Variants in PLD1 observed in about 807,000 individuals in gnomAD.
PLD1 encodes phospholipase D1, also known as choline phosphatase 1.
In PLD1, 112 loss-of-function variants were observed where a neutral mutation model predicts 137.1. That is an observed-to-expected ratio of 0.82 (90% confidence interval 0.70 to 0.96). The LOEUF (loss-of-function observed/expected upper bound fraction) is 0.96, where lower values mean the gene tolerates loss of function less well. PLD1 is among the 40% of genes least tolerant of loss of function. The probability of loss-of-function intolerance (pLI) is 0.00; values close to 1 mark genes in which losing one functional copy is unlikely to be tolerated. For synonymous variants in PLD1, 431 were observed against 454.7 expected (o/e 0.95, Z 0.66); for missense variants, 1,321 against 1,342.0 (o/e 0.98, Z 0.24).
At chr3:171,809,084 CA>C (rs1208664790) in intron 1 of PLD1, 1 of 152,206 alleles carries the variant, frequency 6.6e-6, no homozygotes, top group Non-Finnish European at 1.5e-5. Context: ...CTCAGCCTCC[CA>C]AAGTGCTGGG....
chr3:171,652,668 C>A (rs1013309329), intron 21 of PLD1, among the ~76,000 whole-genome samples: 1 of 150,966 alleles, frequency 6.6e-6, no homozygotes, highest in Non-Finnish European at 1.5e-5. Flanking sequence ...GTGGTGCAAT[C>A]ATGGCGCACT....
intron 18 of PLD1, among the ~76,000 whole-genome samples, 163 bp from the exon 19 acceptor site, chr3:171,674,776 G>A (rs1413133053): frequency 1.3e-5 from 2 of 151,910 alleles, no homozygotes; most frequent in East Asian, 1.9e-4. Context: ...TCAGGAGTTC[G>A]AGATCAGCCT....
At chr3:171,728,790 G>A (rs539708530) in intron 6 of PLD1, among the ~76,000 whole-genome samples, 83 of 152,174 alleles carry the variant, frequency 5.5e-4, no homozygotes, top group African/African-American at 1.8e-3. Flanking sequence ...ATTGCTAAGC[G>A]TAAAGAATCT....
At chr3:171,714,585 A>T (rs2108218061) in intron 8 of PLD1, among the ~76,000 whole-genome samples, 1 of 152,350 alleles carries the variant, frequency 6.6e-6, no homozygotes, top group South Asian at 2.1e-4. Flanking sequence ...GAACATCTGA[A>T]TATAAACTAA....
At chr3:171,698,974 C>CT (rs1290338713) in intron 12 of PLD1, among the ~76,000 whole-genome samples, 2 of 115,866 alleles carry the variant, frequency 1.7e-5, no homozygotes, top group African/African-American at 3.2e-5. Context: ...AAAACCCCAT[C>CT]TCAAAAAAAA....
At chr3:171,647,978 C>T (rs537651751) in intron 21 of PLD1, among the ~76,000 whole-genome samples, 1 of 152,210 alleles carries the variant, frequency 6.6e-6, no homozygotes, top group South Asian at 2.1e-4. Context: ...CAATACTTGT[C>T]CTTTATGTCT....
At position 171,788,696 on chromosome 3, in the gene PLD1, G is replaced by A. The variant is rs146711843; in HGVS notation, c.-32+21703C>T. 51 of 152,216 alleles carry A rather than the reference G, an allele frequency of 3.4e-4. No homozygotes were observed. In the East Asian group the frequency reaches 9.6e-3, roughly 29 times the overall value. The allele number at this position is 152,216 out of a possible 1,614,324, so 9.4% of individuals were successfully genotyped here. On this transcript the variant is annotated intron_variant, in intron 1 of 26. Coordinates refer to ENST00000351298, the MANE Select transcript of PLD1 (RefSeq NM_002662.5). Reference sequence around the variant, plus strand: ...TGATGACGAAACTCAGTTTATTCCTGGACAAAAGAGCTTTGACACATCTGC... The same window carrying A: ...TGATGACGAAACTCAGTTTATTCCTAGACAAAAGAGCTTTGACACATCTGC...
At chr3:171,699,495 A>G (rs899094987) in intron 12 of PLD1, among the ~76,000 whole-genome samples, 29 of 152,224 alleles carry the variant, frequency 1.9e-4, no homozygotes, top group Admixed American at 6.5e-5. Context: ...TTAGCTGCCC[A>G]TAACTGATTC....
chr3:171,654,129 C>T (rs926363470), intron 21 of PLD1: 2 of 359,958 alleles, frequency 5.6e-6, no homozygotes, highest in Non-Finnish European at 1.1e-5. Context: ...GGTGAAACCC[C>T]GTCTCCACCA....
chr3:171,634,250 G>GA (rs1262931987), intron 23 of PLD1, among the ~76,000 whole-genome samples: 5 of 152,042 alleles, frequency 3.3e-5, no homozygotes, highest in South Asian at 2.1e-4. Flanking sequence ...TTGCACCCTT[G>GA]AATAGGCAAA....
intron 18 of PLD1, 47 bp downstream of exon 18, chr3:171,676,668 C>G (rs765328185): frequency 7.0e-7 from 1 of 1,427,376 alleles, no homozygotes. Context: ...TCTAGTTAGG[C>G]CTGCCTCTCT....
intron 18 of PLD1, 124 bp downstream of exon 18, chr3:171,676,591 G>A: frequency 1.3e-6 from 1 of 755,280 alleles, no homozygotes. Context: ...GCAGCCAACA[G>A]CAGAGCAGTG....
At chr3:171,606,883 A>C (rs1303923181) in intron 25 of PLD1, among the ~76,000 whole-genome samples, 1 of 152,066 alleles carries the variant, frequency 6.6e-6, no homozygotes. Flanking sequence ...CATAAGAAGA[A>C]ATTTTAGAAT....
intron 25 of PLD1, among the ~76,000 whole-genome samples, chr3:171,608,524 A>C (rs1438650839): frequency 6.6e-6 from 1 of 152,232 alleles, no homozygotes; most frequent in Non-Finnish European, 1.5e-5. Flanking sequence ...TAGTCTTAAA[A>C]TGCACAGCCA....
intron 1 of PLD1, among the ~76,000 whole-genome samples, chr3:171,772,834 T>C (rs1029067901): frequency 6.6e-6 from 1 of 152,190 alleles, no homozygotes; most frequent in Non-Finnish European, 1.5e-5. Flanking sequence ...GATATAAAAA[T>C]GCTCATGCAA....
At chr3:171,769,228 T>C (rs1722180679) in intron 1 of PLD1, among the ~76,000 whole-genome samples, 1 of 152,220 alleles carries the variant, frequency 6.6e-6, no homozygotes, top group Non-Finnish European at 1.5e-5. Flanking sequence ...TTACCATCTC[T>C]AGATGAAAAG....
At chr3:171,796,850 T>C (rs896567351) in intron 1 of PLD1, among the ~76,000 whole-genome samples, 2 of 152,118 alleles carry the variant, frequency 1.3e-5, no homozygotes, top group Non-Finnish European at 2.9e-5. Flanking sequence ...ATCTTCATGC[T>C]CTTCTTCAGC....
intron 1 of PLD1, chr3:171,793,318 T>C (rs1220961688): frequency 2.0e-5 from 3 of 152,056 alleles, no homozygotes; most frequent in Non-Finnish European, 4.4e-5. Context: ...ACATAAATCA[T>C]TAAAAATTAA....
chr3:171,683,631 G>A (rs2108500441), intron 16 of PLD1, among the ~76,000 whole-genome samples: 1 of 152,246 alleles, frequency 6.6e-6, no homozygotes, highest in East Asian at 1.9e-4. Context: ...TTACAAAATA[G>A]TAACTCTTCT....
Sources: gnomAD v4.1 joint callset for allele counts (sites outside exome capture counted in the v4.1 genomes callset) on GRCh38, gnomAD v4.1.1 for gene constraint, MANE v1.5 for transcripts, NCBI Gene and HGNC (gene_info 2026-07-23, HGNC 2026-07-21) for gene names.